Variants in GALNT18 observed in about 807,000 individuals in gnomAD.
GALNT18 encodes the protein polypeptide N-acetylgalactosaminyltransferase 18, also known as GalNAc-transferase 18.
A neutral mutation model predicts 69.5 loss-of-function variants in GALNT18; 44 were observed. The observed-to-expected ratio is 0.63, with a 90% CI of 0.50 to 0.81. The LOEUF (loss-of-function observed/expected upper bound fraction) is 0.81. Among genes scored for constraint, GALNT18 ranks in the 40% least tolerant of loss-of-function variants. The probability of loss-of-function intolerance (pLI) is 0.00; values close to 1 mark genes in which losing one functional copy is unlikely to be tolerated. For synonymous variants in GALNT18, 364 were observed against 318.2 expected, an observed-to-expected ratio of 1.14 and a Z score of -1.53; for missense variants, 715 against 810.0, an observed-to-expected ratio of 0.88 and a Z score of 1.42.
rs1396917200 is a variant in GALNT18, at chr11:11,573,275, C to T, written c.235+48084G>A. Among the ~76,000 whole-genome samples, 3 of 152,352 alleles carry T rather than the reference C, an allele frequency of 2.0e-5. No individual in the cohort carries two copies. The highest frequency in any genetic ancestry group is 2.1e-4 in the South Asian group (1 of 4,830). On this transcript the variant is annotated intron_variant, in intron 1 of 10. Transcript: ENST00000227756. The surrounding 1 kb of genome is among the most constrained non-coding windows in gnomAD (Gnocchi z 4.6). ...ACAGCTTTCAATACTGAAGATGGAG[C>T]TCTCTGTCCCCGGGTGGGGCCGCAG...
intron 1 of GALNT18, among the ~76,000 whole-genome samples, chr11:11,610,535 C>T (rs1174898518): frequency 1.3e-5 from 2 of 152,142 alleles, no homozygotes; most frequent in Non-Finnish European, 2.9e-5. Flanking sequence ...TATAGTCCTT[C>T]CTCACTGGTT....
intron 1 of GALNT18, among the ~76,000 whole-genome samples, chr11:11,536,749 G>A (rs1448658471): frequency 2.6e-5 from 4 of 152,144 alleles, no homozygotes; most frequent in South Asian, 2.1e-4. Flanking sequence ...TGCTAATTGC[G>A]TTTAGCAAAA....
intron 3 of GALNT18, among the ~76,000 whole-genome samples, chr11:11,428,894 A>T (rs560277120): frequency 2.2e-4 from 33 of 152,186 alleles, no homozygotes; most frequent in South Asian, 1.0e-3. Context: ...TCGTGTGTGT[A>T]TGGGTGTGAG....
rs1859636824 is a variant in GALNT18, at chr11:11,601,626, G to A, written c.235+19733C>T. Among the ~76,000 whole-genome samples, 1 of 152,250 alleles carries A rather than the reference G, an allele frequency of 6.6e-6. No individual in the cohort carries two copies. The highest frequency in any genetic ancestry group is 2.4e-5 in the African/African-American group (1 of 41,538). On this transcript the variant is annotated intron_variant, in intron 1 of 10. Coordinates refer to ENST00000227756, the MANE Select transcript of GALNT18 (RefSeq NM_198516.3). The surrounding 1 kb of genome is among the most constrained non-coding windows in gnomAD (Gnocchi z 4.0). Reference sequence around the variant, plus strand: ...GATCCAATTAAATTTGGGTTTGGGGGTTCTTTTGGCAGGGATTTTCTTTGA... The same window carrying A: ...GATCCAATTAAATTTGGGTTTGGGGATTCTTTTGGCAGGGATTTTCTTTGA...
intron 7 of GALNT18, among the ~76,000 whole-genome samples, chr11:11,334,606 A>G (rs1423766685): frequency 6.6e-6 from 1 of 151,890 alleles, no homozygotes; most frequent in Non-Finnish European, 1.5e-5. Flanking sequence ...TTTGCCCACA[A>G]GAGTTCAGGC....
At position 11,600,893 on chromosome 11, in the gene GALNT18, C is replaced by T. The variant is rs556953097; in HGVS notation, c.235+20466G>A. 6.6e-5 allele frequency among the ~76,000 whole-genome samples: 10 copies of T among 152,080 alleles called. 1 individual carries two copies. In the South Asian group the frequency reaches 2.1e-3, roughly 32 times the overall value. ...TGATCTATCTTCAAATTTGCTGATA[C>T]TTTCTTCTGCCAACTCAAATATATT... is the stretch of plus-strand genomic sequence containing the variant. On this transcript the variant is annotated intron_variant, in intron 1 of 10. Transcript: ENST00000227756. This position sits in a 1 kb window ranked among gnomAD's most constrained non-coding sequence, Gnocchi z 4.8.
In GALNT18 at chr11:11,605,179, G is replaced by T. The variant is rs1053218895; in HGVS notation, c.235+16180C>A. Among the ~76,000 whole-genome samples the T allele has an allele frequency of 2.0e-5, 3 of 152,174 alleles. No individual in the cohort carries two copies. The highest frequency in any genetic ancestry group is 2.9e-5 in the Non-Finnish European group (2 of 68,040). On this transcript the variant is annotated intron_variant, in intron 1 of 10. Coordinates refer to ENST00000227756, the MANE Select transcript of GALNT18 (RefSeq NM_198516.3). The surrounding 1 kb of genome is among the most constrained non-coding windows in gnomAD (Gnocchi z 4.7). ...TTACTGTGTCCGTTTCCTGTCTGGG[G>T]AAAGTGGAGAAGGGTCTGTGGTGCC... is the stretch of plus-strand genomic sequence containing the variant.
Position 11,432,859 on chromosome 11 carries a change from T to C in GALNT18, c.429-72A>G. Reference sequence around the variant, plus strand: ...ATCTCAGGAGCTGACCCAGCCCATGTCCTGGCTCCAGCTTTGCTGGAGGGC... The same window carrying C: ...ATCTCAGGAGCTGACCCAGCCCATGCCCTGGCTCCAGCTTTGCTGGAGGGC... On this transcript the variant is annotated intron_variant, in intron 2 of 10. Coordinates refer to ENST00000227756, the MANE Select transcript of GALNT18 (RefSeq NM_198516.3). The surrounding 1 kb of genome is among the most constrained non-coding windows in gnomAD (Gnocchi z 5.8). The C allele has an allele frequency of 1.3e-6, 2 of 1,505,674 alleles. No homozygotes were observed. The highest frequency in any genetic ancestry group is 1.8e-6 in the Non-Finnish European group (2 of 1,104,196). 93.3% of individuals were successfully genotyped at this position (1,505,674 alleles called of 1,614,324 possible). A position where few individuals can be genotyped will look rare whatever the true frequency, so the allele number is the denominator to read the frequency against.
chr11:11,303,994 C>A (rs902586281), intron 9 of GALNT18, among the ~76,000 whole-genome samples: 1 of 152,176 alleles, frequency 6.6e-6, no homozygotes, highest in Admixed American at 6.5e-5. Flanking sequence ...GGGCTTGGCC[C>A]AAATGGTCTA....
chr11:11,394,952 A>G (rs1282583144), intron 3 of GALNT18, among the ~76,000 whole-genome samples: 2 of 152,222 alleles, frequency 1.3e-5, no homozygotes, highest in African/African-American at 4.8e-5. Context: ...CCAGCCAGGG[A>G]GCAGGGTCTG....
intron 7 of GALNT18, among the ~76,000 whole-genome samples, chr11:11,333,772 C>A (rs777675420): frequency 6.6e-6 from 1 of 152,082 alleles, no homozygotes. Context: ...AGTGAGAAGG[C>A]TAGAGAAGCC....
chr11:11,288,319 C>A (rs1209402986), intron 10 of GALNT18, among the ~76,000 whole-genome samples: 1 of 152,174 alleles, frequency 6.6e-6, no homozygotes, highest in Non-Finnish European at 1.5e-5. Flanking sequence ...TCAGCTATTT[C>A]ATGCCTTTGC....
At chr11:11,569,010 C>T (rs1858719245) in intron 1 of GALNT18, among the ~76,000 whole-genome samples, 3 of 152,156 alleles carry the variant, frequency 2.0e-5, no homozygotes, top group Non-Finnish European at 4.4e-5. Flanking sequence ...TCTCTGAGGG[C>T]CTTTCCAGAT....
At chr11:11,608,030 GGTCA>G (rs1221853970) in intron 1 of GALNT18, among the ~76,000 whole-genome samples, 1 of 152,188 alleles carries the variant, frequency 6.6e-6, no homozygotes, top group Non-Finnish European at 1.5e-5. Context: ...TCAGAGCAGC[GGTCA>G]GTGACACCAA....
chr11:11,297,168 T>G (rs1849416497), intron 9 of GALNT18, among the ~76,000 whole-genome samples: 1 of 152,060 alleles, frequency 6.6e-6, no homozygotes, highest in South Asian at 2.1e-4. Context: ...ACATCCTAAG[T>G]GCACAGGACA....
At chr11:11,284,405 T>C (rs1235283376) in intron 10 of GALNT18, among the ~76,000 whole-genome samples, 3 of 152,146 alleles carry the variant, frequency 2.0e-5, no homozygotes, top group African/African-American at 7.2e-5. Flanking sequence ...CCTGAAAATG[T>C]GCCTTTTAAA....
intron 1 of GALNT18, among the ~76,000 whole-genome samples, chr11:11,455,086 C>T (rs1430479664): frequency 1.3e-5 from 2 of 152,198 alleles, no homozygotes; most frequent in Admixed American, 1.3e-4. Flanking sequence ...GAGATGCTCC[C>T]TGATAGCTGT....
At position 11,562,292 on chromosome 11, in the gene GALNT18, A is replaced by G. The variant is rs557608766; in HGVS notation, c.235+59067T>C. Among the ~76,000 whole-genome samples, 112 of 152,024 alleles carry G rather than the reference A, an allele frequency of 7.4e-4. 1 individual carries two copies. The highest frequency in any genetic ancestry group is 3.4e-3 in the Middle Eastern group (1 of 294). ...CTGTCTTCTTGTGTCTCTTCACTTC[A>G]TATGCCCCTAGTGTGTGTCTGTCTG... On this transcript the variant is annotated intron_variant, in intron 1 of 10. Coordinates refer to ENST00000227756, the MANE Select transcript of GALNT18 (RefSeq NM_198516.3). The surrounding 1 kb of genome is among the most constrained non-coding windows in gnomAD (Gnocchi z 4.1).
Position 11,586,153 on chromosome 11 carries a change from T to C in GALNT18, c.235+35206A>G, listed in dbSNP as rs1859219192. Among the ~76,000 whole-genome samples the C allele has an allele frequency of 6.6e-6, 1 of 152,204 alleles. No homozygotes were observed. Among genetic ancestry groups the C allele is most frequent in the South Asian group, 2.1e-4 (1 of 4,828 alleles). Reference sequence around the variant, plus strand: ...GTGAAAAATAAATTTCTATTGTTTATAAGCCATGCCATCTAGGGTATTTTA... The same window carrying C: ...GTGAAAAATAAATTTCTATTGTTTACAAGCCATGCCATCTAGGGTATTTTA... On this transcript the variant is annotated intron_variant, in intron 1 of 10. Transcript: ENST00000227756. This position sits in a 1 kb window ranked among gnomAD's most constrained non-coding sequence, Gnocchi z 4.1.
Sources: gnomAD v4.1 joint callset for allele counts (sites outside exome capture counted in the v4.1 genomes callset) on GRCh38, gnomAD v4.1.1 for gene constraint, Gnocchi (gnomAD v3.1) non-coding constraint, MANE v1.5 for transcripts, NCBI Gene and HGNC (gene_info 2026-07-23, HGNC 2026-07-21) for gene names.